Variants in OR52N4 observed in about 807,000 individuals in gnomAD.
OR52N4 encodes the protein olfactory receptor 52N4.
In OR52N4, 15 loss-of-function variants were observed where a neutral mutation model predicts 15.0. The observed-to-expected ratio is 1.00, with a 90% CI of 0.67 to 1.54. The LOEUF (loss-of-function observed/expected upper bound fraction) is 1.54. Among genes scored for constraint, OR52N4 ranks in the 40% most tolerant of loss-of-function variants. The pLI is 0.00. For synonymous variants in OR52N4, 143 were observed against 143.7 expected (o/e 1.00, Z 0.03); for missense variants, 421 against 394.0 (o/e 1.07, Z -0.58).
the OR52N4 span, among the ~76,000 whole-genome samples, chr11:5,747,282 A>G: frequency 6.6e-6 from 1 of 151,864 alleles, no homozygotes; most frequent in East Asian, 1.9e-4. Flanking sequence ...CAGCCTTTGC[A>G]AAATAGACAG....
the OR52N4 span, among the ~76,000 whole-genome samples, chr11:5,733,861 C>T: frequency 7.2e-5 from 11 of 152,242 alleles, no homozygotes; most frequent in African/African-American, 2.6e-4. Flanking sequence ...AAATTTCTCA[C>T]CTTTATAGGT....
chr11:5,731,864 A>G, the OR52N4 span, among the ~76,000 whole-genome samples: 100 of 152,284 alleles, frequency 6.6e-4, 1 homozygote, highest in Middle Eastern at 6.8e-3. Context: ...CGATTTTAAA[A>G]CAAGAAATGC....
the OR52N4 span, among the ~76,000 whole-genome samples, chr11:5,733,468 A>C: frequency 6.6e-6 from 1 of 152,136 alleles, no homozygotes; most frequent in Non-Finnish European, 1.5e-5. Context: ...GTTATCTTCT[A>C]CTCAAACAAT....
upstream of OR52N4, among the ~76,000 whole-genome samples, chr11:5,749,711 C>A (rs1233762780): frequency 1.3e-5 from 2 of 151,776 alleles, no homozygotes; most frequent in African/African-American, 4.8e-5. Context: ...GAGCAAGCAA[C>A]CCTCATATGA....
chr11:5,734,512 T>C, the OR52N4 span, among the ~76,000 whole-genome samples: 4 of 152,164 alleles, frequency 2.6e-5, no homozygotes, highest in African/African-American at 9.6e-5. Context: ...AACTGTTTTA[T>C]ATAGCAGAAT....
upstream of OR52N4, among the ~76,000 whole-genome samples, chr11:5,752,118 T>G (rs1590343343): frequency 6.6e-6 from 1 of 152,244 alleles, no homozygotes; most frequent in East Asian, 1.9e-4. Flanking sequence ...TCCTACCACT[T>G]TGACCTGTCA....
the OR52N4 span, chr11:5,726,476 G>C: frequency 6.6e-6 from 1 of 152,140 alleles, no homozygotes; most frequent in Non-Finnish European, 1.5e-5. Context: ...TGACCACAGA[G>C]AATGTCCAGC....
At chr11:5,727,934 C>T in the OR52N4 span, among the ~76,000 whole-genome samples, 5 of 152,160 alleles carry the variant, frequency 3.3e-5, no homozygotes, top group Non-Finnish European at 7.3e-5. Flanking sequence ...TCCATAAACC[C>T]TGTATTTCTC....
chr11:5,740,389 A>G, the OR52N4 span, among the ~76,000 whole-genome samples: 2 of 128,000 alleles, frequency 1.6e-5, 1 homozygote, highest in Non-Finnish European at 3.5e-5. Context: ...GTAGAGTAAT[A>G]ATGACAAAAT....
chr11:5,747,912 G>T, the OR52N4 span, among the ~76,000 whole-genome samples: 2 of 151,914 alleles, frequency 1.3e-5, no homozygotes, highest in Non-Finnish European at 2.9e-5. Flanking sequence ...TATCAACTTG[G>T]CACATAACTA....
the OR52N4 span, among the ~76,000 whole-genome samples, chr11:5,739,518 C>T: frequency 3.2e-4 from 33 of 103,268 alleles, 9 homozygotes; most frequent in Non-Finnish European, 5.3e-4. Context: ...GCTGTGATCA[C>T]ACCATTGCAC....
At chr11:5,732,777 T>C in the OR52N4 span, among the ~76,000 whole-genome samples, 1 of 152,210 alleles carries the variant, frequency 6.6e-6, no homozygotes, top group Non-Finnish European at 1.5e-5. Flanking sequence ...ATTGTTCCTT[T>C]GCTCTCTGGA....
the OR52N4 span, among the ~76,000 whole-genome samples, chr11:5,742,421 A>G: frequency 6.6e-6 from 1 of 152,206 alleles, no homozygotes; most frequent in African/African-American, 2.4e-5. Context: ...GCATATAGGC[A>G]TCAGACTATC....
the OR52N4 span, among the ~76,000 whole-genome samples, chr11:5,729,445 AT>A: frequency 6.6e-6 from 1 of 152,238 alleles, no homozygotes; most frequent in East Asian, 1.9e-4. Context: ...GATTTTTAAG[AT>A]TTATATACAA....
At chr11:5,734,311 T>C in the OR52N4 span, 1 of 413,334 alleles carries the variant, frequency 2.4e-6, no homozygotes. Context: ...AACATTATGT[T>C]GTTTTGTCAA....
chr11:5,732,024 A>ATT, the OR52N4 span, among the ~76,000 whole-genome samples: 1,979 of 151,804 alleles, frequency 0.013, 47 homozygotes, highest in African/African-American at 0.046. Context: ...TCATAAAGTT[A>ATT]TTTTTTTTGC....
In OR52N4 at chr11:5,754,906, G is replaced by A. The variant is rs1351136950; in HGVS notation, c.166G>A (p.Ala56Thr). The A allele has an allele frequency of 3.1e-6, 5 of 1,613,800 alleles. No homozygotes were observed. The highest frequency in any genetic ancestry group is 4.2e-6 in the Non-Finnish European group (5 of 1,179,786). The change falls in exon 2 of 2, where the codon GCC becomes ACC. Residue 56 changes from alanine to threonine, a missense_variant. Transcript: ENST00000641350. ...GLLYLIHYED[A>T]LHKPMYYFLA... ...CCTCTACCTCATTCACTATGAGGAT[G>A]CCCTGCACAAACCCATGTACTACTT... is the stretch of plus-strand genomic sequence containing the variant.
At chr11:5,739,587 A>G in the OR52N4 span, among the ~76,000 whole-genome samples, 16 of 119,512 alleles carry the variant, frequency 1.3e-4, 3 homozygotes, top group Non-Finnish European at 1.8e-4. Context: ...AAAAACCATG[A>G]TAAGTGGGCA....
chr11:5,726,895 A>T, the OR52N4 span: 16,150 of 157,798 alleles, frequency 0.1, 976 homozygotes, highest in African/African-American at 0.16. Context: ...TCTGCCACCC[A>T]CTCCGCTATG....
Sources: allele counts gnomAD v4.1 joint callset (sites outside exome capture counted in the v4.1 genomes callset), GRCh38; gene constraint gnomAD v4.1.1; transcripts MANE v1.5; gene names NCBI Gene and HGNC (gene_info 2026-07-23, HGNC 2026-07-21).